The following DDX60L variants were observed in gnomAD, a reference collection of about 807,000 sequenced individuals.
DDX60L encodes DExD/H-box 60 like, also known as probable ATP-dependent RNA helicase DDX60-like.
A neutral mutation model predicts 211.6 loss-of-function variants in DDX60L; 191 were observed. The observed-to-expected ratio is 0.90, with a 90% confidence interval of 0.80 to 1.02. The LOEUF (loss-of-function observed/expected upper bound fraction) is 1.02. Ranked by LOEUF, DDX60L falls within the 50% of genes least tolerant of loss-of-function variation. DDX60L has a pLI of 0.00. For missense variants in DDX60L, 2,007 were observed against 1,984.1 expected, an observed-to-expected ratio of 1.01 and a Z score of -0.22; for synonymous variants, 706 against 694.1, an observed-to-expected ratio of 1.02 and a Z score of -0.27.
intron 27 of DDX60L, among the ~76,000 whole-genome samples, chr4:168,395,265 A>ATTT (rs1745568800): frequency 6.6e-6 from 1 of 152,246 alleles, no homozygotes; most frequent in Admixed American, 6.5e-5. Context: ...TAAAATAATA[A>ATTT]TGTAGCTCTA....
intron 10 of DDX60L, among the ~76,000 whole-genome samples, chr4:168,434,137 G>A (rs1289456661): frequency 6.6e-6 from 1 of 151,984 alleles, no homozygotes; most frequent in Non-Finnish European, 1.5e-5. Context: ...TGTGTTGTGT[G>A]TGCATAGATG....
intron 1 of DDX60L, among the ~76,000 whole-genome samples, chr4:168,479,775 T>A (rs932468448): frequency 6.3e-4 from 66 of 105,544 alleles, no homozygotes; most frequent in African/African-American, 2.6e-3. Context: ...GAGACCATCC[T>A]GGCCTAACAT....
At chr4:168,365,445 T>C (rs1739807067) in intron 36 of DDX60L, among the ~76,000 whole-genome samples, 1 of 151,222 alleles carries the variant, frequency 6.6e-6, no homozygotes, top group Non-Finnish European at 1.5e-5. Flanking sequence ...CCTGGACATA[T>C]ACAACTTCCC....
intron 10 of DDX60L, 147 bp from the exon 11 acceptor site, chr4:168,433,262 C>A (rs1752611554): frequency 1.7e-6 from 1 of 578,384 alleles, no homozygotes; most frequent in Non-Finnish European, 3.0e-6. Context: ...ATGAGATATT[C>A]CTCAAAGCAA....
intron 23 of DDX60L, 86 bp downstream of exon 23, chr4:168,406,516 T>C (rs1747775175): frequency 2.3e-6 from 2 of 887,276 alleles, no homozygotes; most frequent in Non-Finnish European, 3.5e-6. Context: ...AGAGAATAAG[T>C]GTGCTTACCT....
Position 168,375,435 on chromosome 4 carries a change from C to T in DDX60L, c.4575G>A (p.Leu1525=), listed in dbSNP as rs1246277337. The change falls in exon 34 of 38, where the codon CTG becomes CTA. Residue 1525 remains leucine (L), a synonymous_variant. Coordinates refer to ENST00000682922, the MANE Select transcript of DDX60L (RefSeq NM_001012967.3). Reference sequence around the variant, plus strand: ...TCATGTTCACCGACTTGGAAGCAATCAGCAGGAAGGAGGCAAAATCCTTCA... The same window carrying T: ...TCATGTTCACCGACTTGGAAGCAATTAGCAGGAAGGAGGCAAAATCCTTCA... ...AVMKDFASFL[L]IASKSVNMKK... 5 of 1,612,760 alleles carry T rather than the reference C, an allele frequency of 3.1e-6. No individual in the cohort carries two copies. Among genetic ancestry groups the T allele is most frequent in the Non-Finnish European group, 4.2e-6 (5 of 1,179,432 alleles).
At chr4:168,431,443 T>C (rs1219116072) in intron 12 of DDX60L, among the ~76,000 whole-genome samples, 4 of 151,950 alleles carry the variant, frequency 2.6e-5, no homozygotes, top group Non-Finnish European at 4.4e-5. Context: ...CTATATGCAA[T>C]TGGCATACTT....
intron 22 of DDX60L, among the ~76,000 whole-genome samples, chr4:168,415,013 G>T (rs1316681690): frequency 2.0e-5 from 3 of 151,746 alleles, no homozygotes; most frequent in African/African-American, 7.3e-5. Context: ...AGTAGAATTG[G>T]ATTGTGCTTA....
At chr4:168,426,989 C>A in intron 14 of DDX60L, 81 bp downstream of exon 14, 3 of 1,391,356 alleles carry the variant, frequency 2.2e-6, no homozygotes, top group Non-Finnish European at 2.9e-6. Flanking sequence ...AGTTTTAGCA[C>A]AACCATGCAT....
intron 35 of DDX60L, among the ~76,000 whole-genome samples, chr4:168,372,909 T>C (rs1424677450): frequency 1.3e-5 from 2 of 152,226 alleles, no homozygotes; most frequent in Non-Finnish European, 2.9e-5. Context: ...TTGATATCTA[T>C]ATTCTTTTGG....
chr4:168,416,740 T>A lies in DDX60L; in HGVS notation c.2668A>T (p.Ile890Phe). Residue 890 changes from isoleucine to phenylalanine, a missense_variant, in exon 20 of 38, where the codon ATT (isoleucine) becomes TTT (phenylalanine). Ile to Phe is a conservative substitution (Grantham distance 21). Coordinates refer to ENST00000682922, the MANE Select transcript of DDX60L (RefSeq NM_001012967.3). ...AKFWELLLVIIRCPFLVLSAT... is the reference protein window; with the variant it reads ...AKFWELLLVIFRCPFLVLSAT... ...GAAAGAACCAAAAAGGGACATCGAA[T>A]AATGACAAGGAGGAGCTCCCAAAAT... The A allele has an allele frequency of 1.2e-6, 2 of 1,609,532 alleles. No individual in the cohort carries two copies. Among genetic ancestry groups the A allele is most frequent in the South Asian group, 2.2e-5 (2 of 90,096 alleles).
chr4:168,369,208 G>A (rs559990999), intron 36 of DDX60L, among the ~76,000 whole-genome samples: 37 of 152,234 alleles, frequency 2.4e-4, no homozygotes, highest in African/African-American at 7.7e-4. Context: ...AACCCGGTGC[G>A]AGGTGACTGA....
At chr4:168,408,197 T>C (rs1204382999) in intron 22 of DDX60L, among the ~76,000 whole-genome samples, 1 of 152,332 alleles carries the variant, frequency 6.6e-6, no homozygotes, top group African/African-American at 2.4e-5. Flanking sequence ...TCTAGAATAA[T>C]AGTGATTCAT....
chr4:168,433,699 C>T (rs1417438861), intron 10 of DDX60L, among the ~76,000 whole-genome samples: 1 of 152,104 alleles, frequency 6.6e-6, no homozygotes. Flanking sequence ...CTCCCTCATT[C>T]CTAAATTCTG....
chr4:168,381,817 T>C (rs1312051901), intron 30 of DDX60L, among the ~76,000 whole-genome samples: 1 of 152,078 alleles, frequency 6.6e-6, no homozygotes. Flanking sequence ...AAATTGTCCT[T>C]ACTACAAAAG....
At chr4:168,377,630 A>C (rs1489747610) in intron 33 of DDX60L, 2 of 152,144 alleles carry the variant, frequency 1.3e-5, no homozygotes, top group Non-Finnish European at 2.9e-5. Context: ...AGTGGTTTGC[A>C]ATGTGGATAT....
intron 34 of DDX60L, 148 bp from the exon 35 acceptor site, chr4:168,373,956 C>T (rs1741483290): frequency 2.9e-6 from 2 of 689,718 alleles, no homozygotes; most frequent in Admixed American, 3.1e-5. Flanking sequence ...AAGTCATTAA[C>T]ACAGCTTGGC....
chr4:168,448,188 AAT>A (rs1755118245), intron 9 of DDX60L, among the ~76,000 whole-genome samples: 1 of 152,200 alleles, frequency 6.6e-6, no homozygotes, highest in Admixed American at 6.6e-5. Flanking sequence ...GTTCAGGAAA[AAT>A]ATGTTTTGAA....
At chr4:168,418,918 C>G (rs1015416159) in intron 19 of DDX60L, among the ~76,000 whole-genome samples, 1 of 152,196 alleles carries the variant, frequency 6.6e-6, no homozygotes, top group Admixed American at 6.5e-5. Context: ...CTCTCTCTCC[C>G]TAAGAGGTCA....
Sources: gnomAD v4.1 joint callset for allele counts (sites outside exome capture counted in the v4.1 genomes callset) on GRCh38, gnomAD v4.1.1 for gene constraint, MANE v1.5 for transcripts, NCBI Gene and HGNC (gene_info 2026-07-23, HGNC 2026-07-21) for gene names.